The following MACROD2 variants were observed in gnomAD, a reference collection of about 807,000 sequenced individuals.
MACROD2 encodes ADP-ribose glycohydrolase MACROD2.
A neutral mutation model predicts 70.4 loss-of-function variants in MACROD2; 36 were observed. That is an observed-to-expected ratio of 0.51 (90% CI 0.39 to 0.68). The LOEUF is 0.68. Among genes scored for constraint, MACROD2 ranks in the 30% least tolerant of loss-of-function variants. The pLI, the probability that MACROD2 is intolerant of heterozygous loss-of-function variation, is 0.00. For missense variants in MACROD2, 496 were observed against 538.4 expected (o/e 0.92, Z 0.78); for synonymous variants, 172 against 178.8 (o/e 0.96, Z 0.30).
At chr20:14,179,130 G>C (rs1245175216) in intron 3 of MACROD2, among the ~76,000 whole-genome samples, 2 of 152,178 alleles carry the variant, frequency 1.3e-5, no homozygotes, top group Non-Finnish European at 2.9e-5. Context: ...ACTGATATCA[G>C]ACTATGTCTC....
At chr20:14,037,767 GCAC>G (rs2053334114) in intron 2 of MACROD2, among the ~76,000 whole-genome samples, 1 of 152,066 alleles carries the variant, frequency 6.6e-6, no homozygotes, top group Non-Finnish European at 1.5e-5. Context: ...TGTTACTCCA[GCAC>G]CTTGGGAGGA....
chr20:14,452,896 G>A (rs1388958246), intron 3 of MACROD2, among the ~76,000 whole-genome samples: 1 of 152,114 alleles, frequency 6.6e-6, no homozygotes, highest in Non-Finnish European at 1.5e-5. Context: ...TCTTATGGCA[G>A]TCATAGAGAT....
intron 12 of MACROD2, among the ~76,000 whole-genome samples, chr20:15,944,544 A>G (rs989557674): frequency 6.6e-6 from 1 of 152,136 alleles, no homozygotes; most frequent in East Asian, 1.9e-4. Context: ...CAGTAAATAA[A>G]TGTTTATATT....
At chr20:14,962,452 T>C (rs1174000931) in intron 5 of MACROD2, among the ~76,000 whole-genome samples, 1 of 143,302 alleles carries the variant, frequency 7.0e-6, no homozygotes, top group East Asian at 1.9e-4. Flanking sequence ...ATAGTATTTA[T>C]ATATATATAT....
At chr20:14,923,807 C>CGGGGAGGGGGGGGCGGG (rs2074194249) in intron 5 of MACROD2, among the ~76,000 whole-genome samples, 1 of 91,986 alleles carries the variant, frequency 1.1e-5, no homozygotes, top group Non-Finnish European at 2.2e-5. Flanking sequence ...GGGGGGGCGG[C>CGGGGAGGGGGGGGCGGG]GGGGCGGGGA....
chr20:15,610,802 A>T (rs1382249981), intron 8 of MACROD2, among the ~76,000 whole-genome samples: 3 of 151,846 alleles, frequency 2.0e-5, no homozygotes, highest in Non-Finnish European at 4.4e-5. Context: ...CCAACCTCTA[A>T]ATCGGTGTTG....
chr20:14,613,420 GCA>G (rs1466537334), intron 4 of MACROD2, among the ~76,000 whole-genome samples: 3 of 152,076 alleles, frequency 2.0e-5, no homozygotes, highest in Non-Finnish European at 4.4e-5. Context: ...TATATGGGGA[GCA>G]ACAGAAGGTA....
chr20:15,778,675 T>C (rs966896460), intron 8 of MACROD2, among the ~76,000 whole-genome samples: 3 of 152,024 alleles, frequency 2.0e-5, no homozygotes, highest in African/African-American at 7.2e-5. Flanking sequence ...ATAAAATACC[T>C]CTGTACCTTT....
chr20:15,233,979 T>TATATATATATA (rs1568657341), intron 6 of MACROD2, among the ~76,000 whole-genome samples: 7 of 49,012 alleles, frequency 1.4e-4, no homozygotes, highest in African/African-American at 4.5e-4. Context: ...TTATATATAT[T>TATATATATATA]TATTTATATA....
At chr20:15,926,394 G>A (rs1187146044) in intron 10 of MACROD2, among the ~76,000 whole-genome samples, 1 of 152,166 alleles carries the variant, frequency 6.6e-6, no homozygotes, top group African/African-American at 2.4e-5. Context: ...CAGGTACTTA[G>A]GAAACATTGT....
chr20:14,726,584 T>A (rs1436660151), intron 5 of MACROD2, among the ~76,000 whole-genome samples: 15 of 152,244 alleles, frequency 9.9e-5, no homozygotes. Context: ...CTAGTGCTTA[T>A]AATATGCCAG....
chr20:14,012,821 T>G (rs2052931990), intron 2 of MACROD2, among the ~76,000 whole-genome samples: 1 of 152,230 alleles, frequency 6.6e-6, no homozygotes, highest in African/African-American at 2.4e-5. Flanking sequence ...GCATTTTAAG[T>G]GGATACTTGA....
At chr20:14,317,692 G>A (rs1210395050) in intron 3 of MACROD2, among the ~76,000 whole-genome samples, 1 of 151,092 alleles carries the variant, frequency 6.6e-6, no homozygotes, top group Admixed American at 6.6e-5. Context: ...GTCTACTGCT[G>A]TACACCCAAC....
chr20:14,613,384 G>A, intron 4 of MACROD2, among the ~76,000 whole-genome samples: 1 of 152,026 alleles, frequency 6.6e-6, no homozygotes, highest in East Asian at 1.9e-4. Flanking sequence ...TGGGCTGGAA[G>A]GTGTTTCTGT....
intron 5 of MACROD2, among the ~76,000 whole-genome samples, chr20:14,711,841 A>G (rs1297645466): frequency 6.6e-6 from 1 of 152,192 alleles, no homozygotes; most frequent in African/African-American, 2.4e-5. Flanking sequence ...TATCTCTGTA[A>G]GAGAATAGTT....
chr20:15,987,121 A>T lies in MACROD2; in HGVS notation c.1116A>T (p.Pro372=). 4 of 1,612,458 alleles carry T rather than the reference A, an allele frequency of 2.5e-6. No homozygotes were observed. Among genetic ancestry groups the T allele is most frequent in the Non-Finnish European group, 3.4e-6 (4 of 1,179,662 alleles). ...TTGTGGAGCAACCAGAAGTGATTCC[A>T]TTAACAGAGGACCAAGAAGAAAAAG... The part of the protein sequence containing the change: ...AVIVEQPEVI[P]LTEDQEEKEG... The change falls in exon 15 of 18, where the codon CCA becomes CCT. Residue 372 remains proline, a synonymous_variant. Transcript: ENST00000684519.
chr20:14,392,258 C>T (rs1459051493), intron 3 of MACROD2, among the ~76,000 whole-genome samples: 2 of 151,866 alleles, frequency 1.3e-5, no homozygotes, highest in Non-Finnish European at 2.9e-5. Context: ...TTCCTTTTGT[C>T]CTCCCTCCCT....
At chr20:15,826,279 A>G (rs79375724) in intron 8 of MACROD2, among the ~76,000 whole-genome samples, 6,103 of 152,266 alleles carry the variant, frequency 0.04, 212 homozygotes, top group African/African-American at 0.088. Flanking sequence ...TGTCTCTGAT[A>G]AGGGAATACG....
At chr20:15,925,273 A>G (rs1207313489) in intron 10 of MACROD2, among the ~76,000 whole-genome samples, 3 of 152,236 alleles carry the variant, frequency 2.0e-5, no homozygotes, top group African/African-American at 7.2e-5. Context: ...AAAAACAGCC[A>G]CATGAATATA....
Sources: allele counts gnomAD v4.1 joint callset (sites outside exome capture counted in the v4.1 genomes callset), GRCh38; gene constraint gnomAD v4.1.1; transcripts MANE v1.5; gene names NCBI Gene and HGNC (gene_info 2026-07-23, HGNC 2026-07-21).